NCK1: variants seen among roughly 807,000 people sequenced by gnomAD.
NCK1 encodes NCK adaptor protein 1, also known as SH2/SH3 adapter protein NCK1.
A neutral mutation model predicts 36.6 loss-of-function variants in NCK1; 19 were observed. The ratio of observed to expected loss-of-function variants is 0.52; its 90% CI spans 0.36 to 0.76. The LOEUF is 0.76. NCK1 is among the 30% of genes least tolerant of loss of function. The pLI is 0.00. For missense variants in NCK1, 358 were observed against 445.6 expected (o/e 0.80, Z 1.77); for synonymous variants, 165 against 156.0 (o/e 1.06, Z -0.43).
At chr3:136,874,809 CTT>C (rs35414832) in intron 1 of NCK1, among the ~76,000 whole-genome samples, 102,989 of 151,684 alleles carry the variant, frequency 0.68, 35,276 homozygotes, top group East Asian at 0.87. Context: ...TTAATGAAAA[CTT>C]TTTTTCATGT....
intron 1 of NCK1, among the ~76,000 whole-genome samples, chr3:136,894,128 G>C (rs2058970480): frequency 6.6e-6 from 1 of 152,044 alleles, no homozygotes; most frequent in African/African-American, 2.4e-5. Flanking sequence ...TCCTTTCTTT[G>C]CCTGCTCGTT....
chr3:136,899,714 C>T (rs1939489150), intron 1 of NCK1: 1 of 828,556 alleles, frequency 1.2e-6, no homozygotes, highest in Admixed American at 1.7e-5. Flanking sequence ...TACGAGGAGA[C>T]TTACTCACTG....
At chr3:136,943,991 A>C (rs1414099737) in intron 2 of NCK1, among the ~76,000 whole-genome samples, 2 of 152,218 alleles carry the variant, frequency 1.3e-5, no homozygotes, top group Admixed American at 1.3e-4. Context: ...TGACATAAGA[A>C]TGGTATTCAT....
chr3:136,937,301 G>A (rs935130035), intron 2 of NCK1, among the ~76,000 whole-genome samples: 3 of 152,078 alleles, frequency 2.0e-5, no homozygotes, highest in Non-Finnish European at 2.9e-5. Flanking sequence ...TAGGACTCTC[G>A]ATTCTATTTC....
chr3:136,863,028 A>G (rs961444794), intron 1 of NCK1, among the ~76,000 whole-genome samples: 2 of 151,888 alleles, frequency 1.3e-5, no homozygotes, highest in African/African-American at 4.8e-5. Flanking sequence ...TTTCTTCTGT[A>G]TTAACATACA....
intron 1 of NCK1, among the ~76,000 whole-genome samples, chr3:136,895,211 G>A (rs954657181): frequency 6.6e-6 from 1 of 152,114 alleles, no homozygotes; most frequent in African/African-American, 2.4e-5. Flanking sequence ...GTGATAAACA[G>A]TTTTCACTTT....
intron 2 of NCK1, among the ~76,000 whole-genome samples, chr3:136,940,636 C>G (rs188658041): frequency 6.6e-6 from 1 of 152,178 alleles, no homozygotes; most frequent in East Asian, 1.9e-4. Context: ...CCTCCGCCTC[C>G]CAGGTTCAAG....
In NCK1 at chr3:136,948,583, G is replaced by GT; in HGVS notation, c.*131dup. 1.3e-6 allele frequency: 1 copy of GT among 762,746 alleles called. No individual in the cohort carries two copies. The highest frequency in any genetic ancestry group is 2.1e-6 in the Non-Finnish European group (1 of 475,812). The allele number at this position is 762,746 out of a possible 1,614,324, so 47.2% of individuals were successfully genotyped here. A position where few individuals can be genotyped will look rare whatever the true frequency, so the allele number is the denominator to read the frequency against. Reference sequence around the variant, plus strand: ...AAATCTATATGAGAATTGACAATAAGTATTTTTATTATAACTCAGCCCATA... The same window carrying GT: ...AAATCTATATGAGAATTGACAATAAGTTATTTTTATTATAACTCAGCCCATA... On this transcript the variant is annotated 3_prime_UTR_variant, in exon 4 of 4. Transcript: ENST00000481752.
chr3:136,881,992 G>A (rs1453378297), intron 1 of NCK1, among the ~76,000 whole-genome samples: 3 of 152,182 alleles, frequency 2.0e-5, no homozygotes, highest in Non-Finnish European at 4.4e-5. Context: ...GAACATGGGT[G>A]TAGAAATATC....
chr3:136,951,319 G>T lies in NCK1; in HGVS notation c.*2866G>T, dbSNP rs1940965425. 6.6e-6 allele frequency among the ~76,000 whole-genome samples: 1 copy of T among 152,128 alleles called. No homozygotes were observed. The highest frequency in any genetic ancestry group is 2.1e-4 in the South Asian group (1 of 4,836). ...AATTTCACTCCCACCTTGTTGCTGG[G>T]GTACCTTCTTCAGGGTACATCTAAA... On this transcript the variant is annotated 3_prime_UTR_variant, in exon 4 of 4. Coordinates refer to ENST00000481752, the MANE Select transcript of NCK1 (RefSeq NM_001291999.2).
At chr3:136,874,942 G>A (rs116600436) in intron 1 of NCK1, among the ~76,000 whole-genome samples, 2 of 152,104 alleles carry the variant, frequency 1.3e-5, no homozygotes, top group Admixed American at 6.6e-5. Flanking sequence ...AAGACATTCT[G>A]ATTCTTGATT....
At position 136,928,295 on chromosome 3, in the gene NCK1, T is replaced by G. The variant is rs1196170504; in HGVS notation, c.226+68T>G. 4 of 1,409,040 alleles carry G rather than the reference T, an allele frequency of 2.8e-6. No homozygotes were observed. In the African/African-American group the frequency reaches 4.4e-5, roughly 15 times the overall value. 87.3% of individuals were successfully genotyped at this position (1,409,040 alleles called of 1,614,324 possible). On this transcript the variant is annotated intron_variant, in intron 2 of 3. Transcript: ENST00000481752. ...AACCTGCAACTTAGTTCTTTGTACA[T>G]AATTCTGGCAGCAGTGTGCATAATT...
rs752345876 is a variant in NCK1 at position 136,948,431 on chromosome 3, A to G, written c.1112A>G (p.Tyr371Cys). ...ACAAGTGAACAAGGAGAAAAATTAT[A>G]TCTTGTCAAGCATTTATCATGATAC... ...IFTSEQGEKL[Y>C]LVKHLS Residue 371 changes from tyrosine (Y) to cysteine (C), a missense_variant, in exon 4 of 4, where the codon TAT becomes TGT. Physicochemically the swap from Tyr to Cys is radical, Grantham distance 194. Around this residue, in one of 3 missense-constraint regions of NCK1, gnomAD observed 207 missense variants for 253.4 expected, o/e 0.82. Coordinates refer to ENST00000481752, the MANE Select transcript of NCK1 (RefSeq NM_001291999.2). 1 of 1,612,524 alleles carries G rather than the reference A, an allele frequency of 6.2e-7. No individual in the cohort carries two copies. The highest frequency in any genetic ancestry group is 8.5e-7 in the Non-Finnish European group (1 of 1,178,996).
At chr3:136,879,448 C>T (rs993364892) in intron 1 of NCK1, among the ~76,000 whole-genome samples, 4 of 152,116 alleles carry the variant, frequency 2.6e-5, no homozygotes, top group African/African-American at 9.7e-5. Context: ...ATGGAGACCA[C>T]ACCAATTACT....
intron 1 of NCK1, among the ~76,000 whole-genome samples, chr3:136,887,387 TA>T (rs1939102090): frequency 6.6e-6 from 1 of 152,164 alleles, no homozygotes; most frequent in African/African-American, 2.4e-5. Context: ...TTTCTCCTGA[TA>T]AATAGCAGCC....
At position 136,928,649 on chromosome 3, in the gene NCK1, T is replaced by C. The variant is rs968771724; in HGVS notation, c.226+422T>C. On this transcript the variant is annotated intron_variant, in intron 2 of 3. Transcript: ENST00000481752. ...AAAACCCTCCATTTTGTTTTTCTATTTGATAAGAGAACTGTGGATCATTAC... is the reference window on the plus strand; with the variant it reads ...AAAACCCTCCATTTTGTTTTTCTATCTGATAAGAGAACTGTGGATCATTAC... 4.9e-5 allele frequency: 8 copies of C among 164,578 alleles called. No homozygotes were observed. In the East Asian group the frequency reaches 1.1e-3, roughly 22 times the overall value. The allele number at this position is 164,578 out of a possible 1,614,324, so 10.2% of individuals were successfully genotyped here.
At chr3:136,870,628 C>T (rs1425371806) in intron 1 of NCK1, among the ~76,000 whole-genome samples, 4 of 148,056 alleles carry the variant, frequency 2.7e-5, no homozygotes, top group African/African-American at 5.0e-5. Flanking sequence ...CCCAGTAATT[C>T]TGCTGCCCAA....
chr3:136,874,630 T>C (rs980067478), intron 1 of NCK1, among the ~76,000 whole-genome samples: 1 of 152,228 alleles, frequency 6.6e-6, no homozygotes, highest in Non-Finnish European at 1.5e-5. Flanking sequence ...TGGCATTTCT[T>C]CCTTTCTGAT....
intron 3 of NCK1, among the ~76,000 whole-genome samples, chr3:136,947,235 C>T (rs1940853852): frequency 6.6e-6 from 1 of 152,078 alleles, no homozygotes; most frequent in Admixed American, 6.6e-5. Flanking sequence ...TGATGACATC[C>T]ATTTTCTGTT....
Sources: gnomAD v4.1 joint callset for allele counts (sites outside exome capture counted in the v4.1 genomes callset) on GRCh38, gnomAD v4.1.1 for gene constraint, gnomAD v4.1.1 regional missense constraint, MANE v1.5 for transcripts, NCBI Gene and HGNC (gene_info 2026-07-23, HGNC 2026-07-21) for gene names.